The following DLGAP2 variants were observed in gnomAD, a reference collection of about 807,000 sequenced individuals.
DLGAP2 encodes the protein DLG associated protein 2.
Under a neutral mutation model 100.3 loss-of-function variants are expected in DLGAP2, and 26 were observed. That is an observed-to-expected ratio of 0.26 (90% confidence interval 0.19 to 0.36). DLGAP2 has a LOEUF of 0.36. Among genes scored for constraint, DLGAP2 ranks in the 10% least tolerant of loss-of-function variants. The pLI, the probability that DLGAP2 is intolerant of heterozygous loss-of-function variation, is 1.00. For missense variants in DLGAP2, 1,858 were observed against 1,453.2 expected (o/e 1.28, Z -4.53); for synonymous variants, 886 against 630.1 (o/e 1.41, Z -6.08).
At chr8:1,575,406 G>A (rs1438103967) in intron 6 of DLGAP2, among the ~76,000 whole-genome samples, 1 of 151,726 alleles carries the variant, frequency 6.6e-6, no homozygotes, top group Non-Finnish European at 1.5e-5. Context: ...GCGGAAAATG[G>A]AGAGTTGAGG....
rs567586568 is a variant in DLGAP2, at chr8:1,195,905, T to C, written c.74-62946T>C. Among the ~76,000 whole-genome samples the C allele has an allele frequency of 4.6e-5, 7 of 152,288 alleles. No individual in the cohort carries two copies. In the East Asian group the frequency reaches 1.4e-3, roughly 29 times the overall value. ...AACCGAAGTTTTTAGCATTTCTAAT[T>C]CTCCCACAAAGTGCAAGAATATTTT... On this transcript the variant is annotated intron_variant, in intron 2 of 14. Transcript: ENST00000637795.
chr8:1,540,145 A>C (rs942513062), intron 4 of DLGAP2, among the ~76,000 whole-genome samples: 1 of 152,188 alleles, frequency 6.6e-6, no homozygotes, highest in African/African-American at 2.4e-5. Context: ...CAGGACCCTC[A>C]GAGATACGTC....
At chr8:1,501,547 G>T (rs1024805720) in intron 4 of DLGAP2, 116 bp downstream of exon 4, 3 of 1,053,986 alleles carry the variant, frequency 2.8e-6, no homozygotes, top group Admixed American at 5.4e-5. Flanking sequence ...TTTAGAAAGG[G>T]AGCTAAGAAG....
intron 2 of DLGAP2, among the ~76,000 whole-genome samples, chr8:1,053,937 C>T (rs533822598): frequency 2.0e-5 from 3 of 152,196 alleles, no homozygotes; most frequent in Non-Finnish European, 4.4e-5. Context: ...AAAATGATCC[C>T]TTTGATGAAT....
rs377044498 is a variant in DLGAP2 at position 773,441 on chromosome 8, C to G, written c.18+35616C>G. Among the ~76,000 whole-genome samples, 53 of 151,682 alleles carry G rather than the reference C, an allele frequency of 3.5e-4. 1 individual carries two copies. In the East Asian group the frequency reaches 7.2e-3, roughly 21 times the overall value. On this transcript the variant is annotated intron_variant, in intron 1 of 14. Transcript: ENST00000637795. ...ATACATGTGCCATGCTGGTGCGCTG[C>G]ACTCACTAACTCGTCATCTAGCATT...
At chr8:1,195,775 G>T (rs796918999) in intron 2 of DLGAP2, among the ~76,000 whole-genome samples, 3 of 152,324 alleles carry the variant, frequency 2.0e-5, no homozygotes, top group African/African-American at 7.2e-5. Flanking sequence ...GCTCACCCAG[G>T]AGCTGACCGT....
At chr8:879,783 T>C (rs927470383) in intron 1 of DLGAP2, among the ~76,000 whole-genome samples, 1 of 152,178 alleles carries the variant, frequency 6.6e-6, no homozygotes, top group Admixed American at 6.5e-5. Context: ...GAACCATGTA[T>C]CTGGGCAGTG....
chr8:1,168,742 C>T (rs796468684), intron 2 of DLGAP2, among the ~76,000 whole-genome samples: 2,039 of 131,390 alleles, frequency 0.016, 29 homozygotes, highest in African/African-American at 0.04. Flanking sequence ...GTTTTTTTCT[C>T]GTAAATTTGT....
At chr8:1,553,212 C>T (rs1457362074) in intron 5 of DLGAP2, among the ~76,000 whole-genome samples, 2 of 152,208 alleles carry the variant, frequency 1.3e-5, no homozygotes, top group African/African-American at 2.4e-5. Context: ...TGTCCTCAGG[C>T]CTCCTCTCTG....
intron 2 of DLGAP2, 81 bp downstream of exon 2, chr8:908,047 A>T: frequency 5.0e-6 from 2 of 398,200 alleles, no homozygotes; most frequent in Non-Finnish European, 8.9e-6. Flanking sequence ...TACCTAATTT[A>T]GATATTTTGT....
At chr8:917,571 C>A (rs1056730945) in intron 2 of DLGAP2, among the ~76,000 whole-genome samples, 1 of 151,896 alleles carries the variant, frequency 6.6e-6, no homozygotes, top group Non-Finnish European at 1.5e-5. Flanking sequence ...TACTGGACAG[C>A]GTCTCCAGAA....
intron 2 of DLGAP2, among the ~76,000 whole-genome samples, chr8:1,036,096 C>T (rs2019157340): frequency 7.1e-6 from 1 of 141,810 alleles, no homozygotes; most frequent in Non-Finnish European, 1.5e-5. Context: ...CATCCCGACC[C>T]CGCGTGTCAC....
intron 4 of DLGAP2, among the ~76,000 whole-genome samples, chr8:1,526,889 C>A (rs184874229): frequency 6.6e-6 from 1 of 152,188 alleles, no homozygotes; most frequent in East Asian, 1.9e-4. Context: ...GGAAAGGGGG[C>A]GGTGGCTTTG....
intron 3 of DLGAP2, among the ~76,000 whole-genome samples, chr8:1,370,503 A>G (rs887303177): frequency 6.6e-6 from 1 of 152,246 alleles, no homozygotes; most frequent in African/African-American, 2.4e-5. Context: ...TAAAGCATCT[A>G]TACTTAAGTA....
intron 1 of DLGAP2, among the ~76,000 whole-genome samples, chr8:816,265 A>T (rs982907679): frequency 7.1e-5 from 9 of 126,672 alleles, no homozygotes; most frequent in African/African-American, 2.7e-4. Flanking sequence ...TTGTTTCCTG[A>T]ATACCTTGGG....
intron 3 of DLGAP2, among the ~76,000 whole-genome samples, chr8:1,313,173 AAAAC>A (rs1487993950): frequency 3.3e-5 from 5 of 152,244 alleles, no homozygotes; most frequent in African/African-American, 1.2e-4. Context: ...ACATCACTGT[AAAAC>A]AAAACAGGCC....
chr8:1,700,594 G>A (rs189918210), intron 14 of DLGAP2, among the ~76,000 whole-genome samples: 1 of 151,208 alleles, frequency 6.6e-6, no homozygotes, highest in East Asian at 1.9e-4. Context: ...CTGAGCTAAG[G>A]GTGAGAAATA....
At chr8:1,197,696 ACGT>A (rs1797782010) in intron 2 of DLGAP2, among the ~76,000 whole-genome samples, 1 of 66,036 alleles carries the variant, frequency 1.5e-5, no homozygotes, top group Non-Finnish European at 2.8e-5. Flanking sequence ...AACCTGAGCC[ACGT>A]CAATGTGGAG....
intron 1 of DLGAP2, among the ~76,000 whole-genome samples, chr8:792,455 A>G (rs528696426): frequency 6.6e-6 from 1 of 152,332 alleles, no homozygotes; most frequent in East Asian, 1.9e-4. Context: ...ATGTCCTTTC[A>G]TGTTTCACCA....
Sources: allele counts gnomAD v4.1 joint callset (sites outside exome capture counted in the v4.1 genomes callset), GRCh38; gene constraint gnomAD v4.1.1; transcripts MANE v1.5; gene names NCBI Gene and HGNC (gene_info 2026-07-23, HGNC 2026-07-21).